The following SRRM4 variants were observed in gnomAD, a reference collection of about 807,000 sequenced individuals.
SRRM4 encodes the protein serine/arginine repetitive matrix 4, also known as serine/arginine repetitive matrix protein 4.
Under a neutral mutation model 68.9 loss-of-function variants are expected in SRRM4, and 33 were observed. The observed-to-expected ratio is 0.48, with a 90% CI of 0.36 to 0.64. The LOEUF (loss-of-function observed/expected upper bound fraction) is 0.64, where lower values mean the gene tolerates loss of function less well. Among genes scored for constraint, SRRM4 ranks in the 30% least tolerant of loss-of-function variants. SRRM4 has a pLI of 0.00. For synonymous variants in SRRM4, 318 were observed against 318.8 expected (o/e 1.00, Z 0.03); for missense variants, 817 against 827.1 (o/e 0.99, Z 0.15).
intron 1 of SRRM4, among the ~76,000 whole-genome samples, chr12:119,030,724 C>T (rs1024159245): frequency 1.3e-5 from 2 of 151,994 alleles, no homozygotes; most frequent in African/African-American, 2.4e-5. Flanking sequence ...ATGATGTTCC[C>T]CCATATTGTA....
intron 1 of SRRM4, among the ~76,000 whole-genome samples, chr12:119,058,681 C>T (rs953916274): frequency 6.6e-6 from 1 of 152,100 alleles, no homozygotes; most frequent in South Asian, 2.1e-4. Context: ...ATCTTTTCCC[C>T]CTCCCCACTT....
intron 1 of SRRM4, among the ~76,000 whole-genome samples, chr12:119,052,499 TTTGTTG>T (rs532493541): frequency 9.2e-5 from 14 of 151,600 alleles, no homozygotes; most frequent in Middle Eastern, 3.2e-3. Context: ...TAACTGCTTT[TTTGTTG>T]TTGTTGTTGT....
rs976428382 is a variant in SRRM4 at position 119,132,239 on chromosome 12, G to A, written c.771+1405G>A. 5.3e-5 allele frequency: 8 copies of A among 152,126 alleles called. No individual in the cohort carries two copies. The East Asian group carries it at 1.5e-3, about 29-fold the overall frequency. The allele number at this position is 152,126 out of a possible 1,614,324, so 9.4% of individuals were successfully genotyped here. On this transcript the variant is annotated intron_variant, in intron 8 of 12. Transcript: ENST00000267260. ...TCTTCCCAGCAAGATAGAAAGTATA[G>A]AGGCCTAGATTTGAGTCTTGTTTTG...
chr12:119,069,412 G>A (rs78093136), intron 1 of SRRM4, among the ~76,000 whole-genome samples: 35,089 of 152,128 alleles, frequency 0.23, 4,409 homozygotes, highest in East Asian at 0.31. Context: ...GTGGACACAC[G>A]TTGGGAGGCC....
At chr12:119,001,464 T>C (rs1458304942) in intron 1 of SRRM4, 1 of 152,204 alleles carries the variant, frequency 6.6e-6, no homozygotes, top group Non-Finnish European at 1.5e-5. Context: ...AAACACATAT[T>C]AAGGTGAGCA....
At chr12:119,028,540 C>T (rs1190973735) in intron 1 of SRRM4, among the ~76,000 whole-genome samples, 1 of 152,326 alleles carries the variant, frequency 6.6e-6, no homozygotes, top group South Asian at 2.1e-4. Context: ...CCCAGCCACA[C>T]AGAACTTGAG....
intron 7 of SRRM4, among the ~76,000 whole-genome samples, chr12:119,129,989 ATGG>A (rs1954284847): frequency 6.6e-6 from 1 of 151,052 alleles, no homozygotes; most frequent in Admixed American, 6.6e-5. Flanking sequence ...GGATGGATGG[ATGG>A]ATGGATGGAT....
At chr12:119,066,893 GCA>G (rs1737868353) in intron 1 of SRRM4, among the ~76,000 whole-genome samples, 1 of 152,124 alleles carries the variant, frequency 6.6e-6, no homozygotes, top group African/African-American at 2.4e-5. Context: ...ATTCTTATGT[GCA>G]CACACACATC....
At chr12:119,110,947 T>C (rs1954139287) in intron 2 of SRRM4, among the ~76,000 whole-genome samples, 1 of 152,200 alleles carries the variant, frequency 6.6e-6, no homozygotes, top group African/African-American at 2.4e-5. Flanking sequence ...TTCGGCCACC[T>C]TGGAACCTCC....
intron 1 of SRRM4, among the ~76,000 whole-genome samples, chr12:119,017,561 G>A (rs1953489530): frequency 6.6e-6 from 1 of 152,192 alleles, no homozygotes; most frequent in East Asian, 1.9e-4. Context: ...TAAGGGGGTG[G>A]CAGGAGTGGG....
chr12:119,144,924 T>C (rs1015501256), intron 8 of SRRM4, among the ~76,000 whole-genome samples: 12 of 152,226 alleles, frequency 7.9e-5, no homozygotes, highest in Non-Finnish European at 1.5e-4. Flanking sequence ...TTTAAAATTT[T>C]GGCTTTATCT....
At chr12:119,012,583 C>T (rs1953457032) in intron 1 of SRRM4, among the ~76,000 whole-genome samples, 1 of 152,180 alleles carries the variant, frequency 6.6e-6, no homozygotes, top group Non-Finnish European at 1.5e-5. Context: ...TCTTTCTCAA[C>T]TAACAGACTC....
At chr12:119,100,702 G>C (rs1954073194) in intron 1 of SRRM4, among the ~76,000 whole-genome samples, 1 of 152,192 alleles carries the variant, frequency 6.6e-6, no homozygotes, top group African/African-American at 2.4e-5. Flanking sequence ...ACAAGTATGG[G>C]AAGAGGCAAG....
chr12:119,143,640 T>C (rs1045646515), intron 8 of SRRM4, among the ~76,000 whole-genome samples: 3 of 152,112 alleles, frequency 2.0e-5, no homozygotes, highest in African/African-American at 4.8e-5. Flanking sequence ...CACATGCATA[T>C]AGACCCCTCA....
intron 1 of SRRM4, among the ~76,000 whole-genome samples, chr12:119,029,124 G>T (rs1485996725): frequency 2.0e-5 from 3 of 152,102 alleles, no homozygotes; most frequent in African/African-American, 7.2e-5. Context: ...GAGAGGGATG[G>T]GTAGGCATTA....
intron 1 of SRRM4, among the ~76,000 whole-genome samples, chr12:119,025,000 G>A (rs1953538734): frequency 6.6e-6 from 1 of 152,158 alleles, no homozygotes; most frequent in Admixed American, 6.5e-5. Flanking sequence ...CTCATGCTAT[G>A]TGGGGAAGCA....
Position 118,981,745 on chromosome 12 carries a change from G to C in SRRM4, c.-138G>C. The C allele has an allele frequency of 1.1e-6, 1 of 931,434 alleles. No individual in the cohort carries two copies. Among genetic ancestry groups the C allele is most frequent in the South Asian group, 1.9e-5 (1 of 52,628 alleles). 57.7% of individuals were successfully genotyped at this position (931,434 alleles called of 1,614,324 possible). On this transcript the variant is annotated 5_prime_UTR_variant, in exon 1 of 13. Transcript: ENST00000267260. Reference sequence around the variant, plus strand: ...GCTGGGGCGTCCCATCCCCCGCCCTGAACTCCGATCTCTCCCACCCCACCC... The same window carrying C: ...GCTGGGGCGTCCCATCCCCCGCCCTCAACTCCGATCTCTCCCACCCCACCC...
At chr12:119,030,809 C>T (rs554084792) in intron 1 of SRRM4, among the ~76,000 whole-genome samples, 18 of 152,192 alleles carry the variant, frequency 1.2e-4, no homozygotes, top group Non-Finnish European at 2.1e-4. Context: ...TAGTGCTATT[C>T]GACCTTTTTT....
chr12:119,099,217 C>T (rs1005294251), intron 1 of SRRM4, among the ~76,000 whole-genome samples: 4 of 152,140 alleles, frequency 2.6e-5, no homozygotes, highest in Middle Eastern at 3.2e-3. Flanking sequence ...TCACTGCAAC[C>T]TCTGCTTCCT....
Sources: gnomAD v4.1 joint callset for allele counts (sites outside exome capture counted in the v4.1 genomes callset) on GRCh38, gnomAD v4.1.1 for gene constraint, MANE v1.5 for transcripts, NCBI Gene and HGNC (gene_info 2026-07-23, HGNC 2026-07-21) for gene names.